Variants in PTPRR observed in about 807,000 individuals in gnomAD.
PTPRR encodes the protein protein tyrosine phosphatase receptor type R.
Under a neutral mutation model 77.2 loss-of-function variants are expected in PTPRR, and 38 were observed. That is an observed-to-expected ratio of 0.49 (90% CI 0.38 to 0.65). PTPRR has a LOEUF of 0.65. Among genes scored for constraint, PTPRR ranks in the 30% least tolerant of loss-of-function variants. PTPRR has a pLI of 0.00. For synonymous variants in PTPRR, 299 were observed against 283.1 expected (o/e 1.06, Z -0.57); for missense variants, 744 against 799.2 (o/e 0.93, Z 0.83).
intron 2 of PTPRR, among the ~76,000 whole-genome samples, chr12:70,772,875 T>G (rs1037900064): frequency 6.6e-6 from 1 of 152,194 alleles, no homozygotes; most frequent in Non-Finnish European, 1.5e-5. Context: ...TTACTTTATT[T>G]TTTTTTAAGC....
intron 2 of PTPRR, among the ~76,000 whole-genome samples, chr12:70,795,941 T>TTTTTTG (rs1891504979): frequency 7.7e-6 from 1 of 129,952 alleles, no homozygotes; most frequent in Non-Finnish European, 1.7e-5. Context: ...TTTTTTTTTT[T>TTTTTTG]GACACAGAGT....
chr12:70,705,288 G>A (rs1009754871), intron 6 of PTPRR, among the ~76,000 whole-genome samples: 1 of 152,114 alleles, frequency 6.6e-6, no homozygotes, highest in Non-Finnish European at 1.5e-5. Flanking sequence ...ACAACTGAGT[G>A]TTGGAATAAC....
chr12:70,678,698 G>A (rs1887542025), intron 10 of PTPRR, among the ~76,000 whole-genome samples: 1 of 151,798 alleles, frequency 6.6e-6, no homozygotes, highest in Non-Finnish European at 1.5e-5. Context: ...TTGAGATGGA[G>A]TCTCTCTCTC....
intron 1 of PTPRR, among the ~76,000 whole-genome samples, chr12:70,902,481 T>C (rs1893553667): frequency 6.6e-6 from 1 of 151,716 alleles, no homozygotes; most frequent in African/African-American, 2.4e-5. Context: ...TACTGAGATA[T>C]ATAATCTATA....
chr12:70,756,176 A>G (rs1173086438), intron 4 of PTPRR, among the ~76,000 whole-genome samples: 1 of 151,944 alleles, frequency 6.6e-6, no homozygotes, highest in Non-Finnish European at 1.5e-5. Flanking sequence ...GAATATCAAC[A>G]TGTTCCTTTC....
chr12:70,714,975 AC>A (rs1888966996), intron 6 of PTPRR, among the ~76,000 whole-genome samples: 1 of 152,022 alleles, frequency 6.6e-6, no homozygotes, highest in Non-Finnish European at 1.5e-5. Context: ...ACAGAGTGAG[AC>A]CCTGTCTCCA....
chr12:70,691,393 T>TG (rs1888051683), intron 8 of PTPRR, among the ~76,000 whole-genome samples: 2 of 152,182 alleles, frequency 1.3e-5, no homozygotes, highest in African/African-American at 4.8e-5. Flanking sequence ...CTCTTTCCAA[T>TG]CTCCTGCTCA....
chr12:70,675,888 A>G (rs1449662847), intron 10 of PTPRR, among the ~76,000 whole-genome samples: 2 of 149,934 alleles, frequency 1.3e-5, no homozygotes, highest in African/African-American at 4.9e-5. Context: ...TGCTATAGAA[A>G]AGCCTTTTTT....
chr12:70,653,577 C>G (rs1441223710), intron 13 of PTPRR, among the ~76,000 whole-genome samples: 1 of 152,132 alleles, frequency 6.6e-6, no homozygotes, highest in African/African-American at 2.4e-5. Flanking sequence ...TTATACATTA[C>G]TATTTCCAGT....
chr12:70,778,970 C>G (rs1891145726), intron 2 of PTPRR, among the ~76,000 whole-genome samples: 1 of 152,136 alleles, frequency 6.6e-6, no homozygotes, highest in Non-Finnish European at 1.5e-5. Flanking sequence ...CTCAGCCTCC[C>G]AAGTAGCTGG....
chr12:70,733,470 C>CA (rs1193950231), intron 6 of PTPRR, among the ~76,000 whole-genome samples: 1,460 of 73,680 alleles, frequency 0.02, 51 homozygotes, highest in African/African-American at 0.032. Context: ...AAAATTATGG[C>CA]AAAAAAAAAA....
At chr12:70,845,556 CTCTT>C (rs943203508) in intron 2 of PTPRR, among the ~76,000 whole-genome samples, 5 of 152,158 alleles carry the variant, frequency 3.3e-5, no homozygotes, top group African/African-American at 9.7e-5. Context: ...TCCTATCTCT[CTCTT>C]TGCCTTCCTT....
chr12:70,705,415 T>C (rs558311733), intron 6 of PTPRR, among the ~76,000 whole-genome samples: 1 of 152,212 alleles, frequency 6.6e-6, no homozygotes, highest in South Asian at 2.1e-4. Context: ...GCTCTAATTC[T>C]CAGACATGCT....
At chr12:70,689,600 C>A (rs537324961) in intron 8 of PTPRR, among the ~76,000 whole-genome samples, 8 of 152,218 alleles carry the variant, frequency 5.3e-5, no homozygotes, top group Admixed American at 3.3e-4. Context: ...TTGATCAAAA[C>A]TCTTGGCAGA....
At chr12:70,779,827 G>T (rs754173343) in intron 2 of PTPRR, among the ~76,000 whole-genome samples, 16 of 152,098 alleles carry the variant, frequency 1.1e-4, no homozygotes, top group Non-Finnish European at 1.9e-4. Flanking sequence ...CTTGAGGAAG[G>T]TATGTTCAAT....
chr12:70,814,644 G>T (rs898346281), intron 2 of PTPRR, among the ~76,000 whole-genome samples: 1 of 152,184 alleles, frequency 6.6e-6, no homozygotes, highest in East Asian at 1.9e-4. Context: ...CCCGGCTTTG[G>T]CTTTGTCTCT....
At chr12:70,672,614 T>G in intron 10 of PTPRR, 1 of 1,495,752 alleles carries the variant, frequency 6.7e-7, no homozygotes, top group Non-Finnish European at 9.2e-7. Context: ...GCACACATCT[T>G]AAAGACCTGC....
chr12:70,877,701 C>T (rs1893075272), intron 2 of PTPRR, among the ~76,000 whole-genome samples: 1 of 152,106 alleles, frequency 6.6e-6, no homozygotes, highest in Non-Finnish European at 1.5e-5. Context: ...TCAATGCCAT[C>T]CCCATCAAGC....
At chr12:70,753,239 C>A (rs1267525500) in intron 5 of PTPRR, among the ~76,000 whole-genome samples, 3 of 152,164 alleles carry the variant, frequency 2.0e-5, no homozygotes, top group East Asian at 3.8e-4. Context: ...CTAACAGTAA[C>A]CCCTTCCCAG....
Sources: allele counts gnomAD v4.1 joint callset (sites outside exome capture counted in the v4.1 genomes callset), GRCh38; gene constraint gnomAD v4.1.1; transcripts MANE v1.5; gene names NCBI Gene and HGNC (gene_info 2026-07-23, HGNC 2026-07-21).